PCDH15: variants seen among roughly 807,000 people sequenced by gnomAD.
The protein encoded by PCDH15 is protocadherin related 15.
A neutral mutation model predicts 178.5 loss-of-function variants in PCDH15; 129 were observed. The ratio of observed to expected loss-of-function variants is 0.72; its 90% CI spans 0.63 to 0.84. PCDH15 has a LOEUF of 0.84. PCDH15 is among the 40% of genes least tolerant of loss of function. The pLI is 0.00. For synonymous variants in PCDH15, 800 were observed against 732.0 expected (o/e 1.09, Z -1.50); for missense variants, 2,230 against 2,099.9 (o/e 1.06, Z -1.21).
At chr10:55,356,608 T>C (rs576124883) in intron 2 of PCDH15, among the ~76,000 whole-genome samples, 1 of 152,054 alleles carries the variant, frequency 6.6e-6, no homozygotes, top group African/African-American at 2.4e-5. Context: ...ATCACTCATT[T>C]TTAAAAATAT....
intron 3 of PCDH15, among the ~76,000 whole-genome samples, chr10:54,811,998 AATCTT>A (rs1318862282): frequency 6.6e-6 from 1 of 152,150 alleles, no homozygotes; most frequent in African/African-American, 2.4e-5. Context: ...ATTTCTAAGA[AATCTT>A]AACTGTAAGT....
chr10:55,055,689 G>A (rs770956183), intron 2 of PCDH15, among the ~76,000 whole-genome samples: 4 of 152,200 alleles, frequency 2.6e-5, no homozygotes. Flanking sequence ...TGTAGTCCCA[G>A]CTACCCAGGA....
intron 3 of PCDH15, among the ~76,000 whole-genome samples, chr10:54,405,157 T>C (rs906408864): frequency 5.9e-5 from 9 of 152,098 alleles, no homozygotes; most frequent in African/African-American, 1.9e-4. Flanking sequence ...ACTGAGTTTA[T>C]ACCTGAGGGA....
intron 7 of PCDH15, 92 bp from the exon 8 acceptor site, chr10:54,317,533 G>A: frequency 1.4e-6 from 2 of 1,440,406 alleles, no homozygotes; most frequent in Non-Finnish European, 1.9e-6. Context: ...CCAGAACTTT[G>A]GGAGGCCAAG....
At chr10:55,436,314 A>G (rs1413678336) in intron 2 of PCDH15, among the ~76,000 whole-genome samples, 1 of 152,170 alleles carries the variant, frequency 6.6e-6, no homozygotes, top group Non-Finnish European at 1.5e-5. Context: ...ATACAGAAAC[A>G]TATCAGTGCC....
chr10:54,878,178 G>T (rs536509225), intron 3 of PCDH15, among the ~76,000 whole-genome samples: 35 of 151,810 alleles, frequency 2.3e-4, no homozygotes, highest in Non-Finnish European at 4.6e-4. Flanking sequence ...GTCCAGGCTG[G>T]TCTCAAACTC....
At chr10:55,535,318 T>G (rs1841549951) in intron 2 of PCDH15, among the ~76,000 whole-genome samples, 1 of 152,060 alleles carries the variant, frequency 6.6e-6, no homozygotes, top group Non-Finnish European at 1.5e-5. Flanking sequence ...AACTGTAAAT[T>G]TATAGAAATT....
chr10:55,539,409 G>A (rs1391427537), intron 2 of PCDH15, among the ~76,000 whole-genome samples: 1 of 151,504 alleles, frequency 6.6e-6, no homozygotes, highest in East Asian at 1.9e-4. Flanking sequence ...TATGTTTATT[G>A]TAATTCCCTC....
At position 55,463,881 on chromosome 10, in the gene PCDH15, GAA is replaced by G. The variant is rs1470394351; in HGVS notation, c.-156+163742_-156+163743del. 1.4e-4 allele frequency among the ~76,000 whole-genome samples: 8 copies of G among 57,008 alleles called. 1 individual carries two copies. The highest frequency in any genetic ancestry group is 8.9e-4 in the African/African-American group (8 of 8,986). 37.4% of individuals were successfully genotyped at this position (57,008 alleles called of 152,430 possible). ...GAATGAGACGAAAGAAAGAGAGAGA[GAA>G]AGAGAGGGAGAGAGAGAGAAAGAAA... is the stretch of plus-strand genomic sequence containing the variant. On this transcript the variant is annotated intron_variant, in intron 2 of 5. Coordinates refer to the PCDH15 transcript ENST00000613346.
intron 2 of PCDH15, among the ~76,000 whole-genome samples, chr10:54,904,105 A>G (rs1954682546): frequency 6.6e-6 from 1 of 152,088 alleles, no homozygotes; most frequent in Non-Finnish European, 1.5e-5. Flanking sequence ...CAATGAAACA[A>G]TATCATGCTG....
chr10:53,861,092 T>C (rs1233063526), intron 27 of PCDH15, among the ~76,000 whole-genome samples: 2 of 152,170 alleles, frequency 1.3e-5, no homozygotes, highest in African/African-American at 4.8e-5. Flanking sequence ...ACATTTGGTC[T>C]TTGACAGAAA....
At chr10:53,903,925 A>G (rs1348665736) in intron 25 of PCDH15, among the ~76,000 whole-genome samples, 2 of 152,152 alleles carry the variant, frequency 1.3e-5, no homozygotes, top group African/African-American at 4.8e-5. Context: ...TGCCTTGGAA[A>G]CTGTCAATGT....
chr10:53,815,975 T>C (rs1486695464), intron 35 of PCDH15, among the ~76,000 whole-genome samples: 2 of 152,180 alleles, frequency 1.3e-5, no homozygotes, highest in East Asian at 3.9e-4. Flanking sequence ...CTTCATTCAA[T>C]GAATGGCCCG....
chr10:54,554,200 C>A (rs2086916101), intron 2 of PCDH15, among the ~76,000 whole-genome samples: 1 of 152,100 alleles, frequency 6.6e-6, no homozygotes, highest in African/African-American at 2.4e-5. Context: ...ATTTTCTCAC[C>A]TGGCCCCTTA....
intron 1 of PCDH15, among the ~76,000 whole-genome samples, chr10:54,762,907 T>C (rs1336182921): frequency 6.6e-6 from 1 of 152,180 alleles, no homozygotes; most frequent in Non-Finnish European, 1.5e-5. Context: ...TAAAGTATAG[T>C]TGCCAATGTT....
chr10:54,528,026 C>A (rs566081742), intron 2 of PCDH15, 149 bp from the exon 3 acceptor site: 138 of 667,324 alleles, frequency 2.1e-4, no homozygotes, highest in African/African-American at 3.3e-4. Flanking sequence ...TATTTAAAAA[C>A]ATTTTATAAT....
At chr10:55,013,530 C>A (rs1469880688) in intron 2 of PCDH15, among the ~76,000 whole-genome samples, 1 of 147,050 alleles carries the variant, frequency 6.8e-6, no homozygotes, top group Non-Finnish European at 1.5e-5. Flanking sequence ...TATCAGCAAT[C>A]CTCCTCCCAC....
intron 2 of PCDH15, among the ~76,000 whole-genome samples, chr10:55,594,590 C>G (rs914629075): frequency 2.6e-5 from 4 of 151,902 alleles, no homozygotes; most frequent in African/African-American, 7.2e-5. Flanking sequence ...ACACATTTGG[C>G]GTTTCCAATG....
At chr10:55,565,481 A>C (rs965048195) in intron 2 of PCDH15, among the ~76,000 whole-genome samples, 6 of 151,610 alleles carry the variant, frequency 4.0e-5, no homozygotes, top group Admixed American at 2.6e-4. Flanking sequence ...ACTGAAGGCA[A>C]GAAGAAGAAA....
Sources: allele counts gnomAD v4.1 joint callset (sites outside exome capture counted in the v4.1 genomes callset), GRCh38; gene constraint gnomAD v4.1.1; transcripts MANE v1.5; gene names NCBI Gene and HGNC (gene_info 2026-07-23, HGNC 2026-07-21).